The following ARHGEF4 variants were observed in gnomAD, a reference collection of about 807,000 sequenced individuals.
ARHGEF4 encodes the protein APC-stimulated guanine nucleotide exchange factor 1.
ARHGEF4 carries 119 observed loss-of-function variants against 162.0 expected under a neutral mutation model. The ratio of observed to expected loss-of-function variants is 0.73; its 90% CI spans 0.63 to 0.86. The LOEUF is 0.86. ARHGEF4 is among the 40% of genes least tolerant of loss of function. The pLI is 0.00. For synonymous variants in ARHGEF4, 1,014 were observed against 979.9 expected (o/e 1.03, Z -0.65); for missense variants, 2,488 against 2,456.0 (o/e 1.01, Z -0.28).
chr2:130,928,473 C>G (rs539735248), intron 2 of ARHGEF4, among the ~76,000 whole-genome samples: 1 of 152,180 alleles, frequency 6.6e-6, no homozygotes, highest in Non-Finnish European at 1.5e-5. Flanking sequence ...TTCAATTATT[C>G]AGGACCACAA....
At chr2:130,901,760 A>G (rs1212790267) in intron 1 of ARHGEF4, among the ~76,000 whole-genome samples, 1 of 152,100 alleles carries the variant, frequency 6.6e-6, no homozygotes, top group Non-Finnish European at 1.5e-5. Context: ...ACCTCAGGTG[A>G]TCTGCCTGCC....
chr2:131,008,706 T>C (rs2105327856), intron 4 of ARHGEF4, among the ~76,000 whole-genome samples: 1 of 152,294 alleles, frequency 6.6e-6, no homozygotes, highest in Non-Finnish European at 1.5e-5. Context: ...TTATAATGGT[T>C]GCTCTGAAGA....
At chr2:130,912,538 G>A (rs1463621972) in intron 1 of ARHGEF4, among the ~76,000 whole-genome samples, 3 of 152,182 alleles carry the variant, frequency 2.0e-5, no homozygotes, top group African/African-American at 7.2e-5. Flanking sequence ...AGAATTAAAA[G>A]CAATTTTACT....
At chr2:130,974,793 A>G (rs907173884) in intron 4 of ARHGEF4, among the ~76,000 whole-genome samples, 4 of 152,076 alleles carry the variant, frequency 2.6e-5, no homozygotes, top group Non-Finnish European at 5.9e-5. Context: ...TTGTTTTCTG[A>G]AATACTCAAG....
chr2:130,967,211 G>A (rs530158737), intron 4 of ARHGEF4, among the ~76,000 whole-genome samples: 1 of 152,340 alleles, frequency 6.6e-6, no homozygotes, highest in African/African-American at 2.4e-5. Flanking sequence ...AATGCTCTGT[G>A]TTGGCATTTC....
rs556331788 is a variant in ARHGEF4 at position 130,909,150 on chromosome 2, C to T, written c.40-4836C>T. ...CCCCTACCCTGTGTATCTGATACAG[C>T]GTCATCCCACTCCTCGGTATTTATC... is the stretch of plus-strand genomic sequence containing the variant. On this transcript the variant is annotated intron_variant, in intron 1 of 13. Transcript: ENST00000409359. Among the ~76,000 whole-genome samples the T allele has an allele frequency of 5.9e-5, 9 of 152,264 alleles. No homozygotes were observed. In the South Asian group the frequency reaches 8.3e-4, roughly 14 times the overall value.
At chr2:130,901,718 G>T (rs181664351) in intron 1 of ARHGEF4, among the ~76,000 whole-genome samples, 1 of 151,918 alleles carries the variant, frequency 6.6e-6, no homozygotes, top group Non-Finnish European at 1.5e-5. Context: ...ATGGGGTTTC[G>T]CCATGTTGGC....
intron 1 of ARHGEF4, among the ~76,000 whole-genome samples, chr2:130,845,653 T>C (rs891524): frequency 0.16 from 23,940 of 152,088 alleles, 2,520 homozygotes; most frequent in African/African-American, 0.29. Flanking sequence ...CCTCAGAGCA[T>C]AGTGGGTGTG....
At chr2:130,957,579 A>G (rs990792846) in intron 4 of ARHGEF4, among the ~76,000 whole-genome samples, 3 of 152,296 alleles carry the variant, frequency 2.0e-5, no homozygotes, top group African/African-American at 7.2e-5. Flanking sequence ...TAAAATTGTT[A>G]AATTGTACAC....
At chr2:130,984,653 C>T (rs902034544) in intron 4 of ARHGEF4, among the ~76,000 whole-genome samples, 3 of 149,540 alleles carry the variant, frequency 2.0e-5, no homozygotes, top group Admixed American at 6.7e-5. Flanking sequence ...TGTGCCACTG[C>T]ACTCCAGCCT....
At chr2:130,960,331 G>A (rs1434942655) in intron 4 of ARHGEF4, among the ~76,000 whole-genome samples, 1 of 152,004 alleles carries the variant, frequency 6.6e-6, no homozygotes, top group Admixed American at 6.6e-5. Flanking sequence ...TTTTTACTGT[G>A]CCTTTCCTAT....
intron 5 of ARHGEF4, among the ~76,000 whole-genome samples, chr2:131,032,152 G>A (rs923454393): frequency 6.6e-5 from 10 of 152,022 alleles, no homozygotes; most frequent in Non-Finnish European, 1.3e-4. Flanking sequence ...GCCTGGTGAG[G>A]ATGAGCACGA....
intron 4 of ARHGEF4, among the ~76,000 whole-genome samples, chr2:130,958,509 G>C (rs988646857): frequency 1.3e-5 from 2 of 150,942 alleles, no homozygotes; most frequent in Non-Finnish European, 2.9e-5. Flanking sequence ...CCCCCGATCC[G>C]AGCGATTCTC....
chr2:130,925,035 AGTGTGT>A (rs55986926), intron 2 of ARHGEF4, among the ~76,000 whole-genome samples: 50,902 of 137,568 alleles, frequency 0.37, 9,965 homozygotes, highest in East Asian at 0.68. Context: ...AGGAGTTCTA[AGTGTGT>A]GTGTGTGTGT....
intron 4 of ARHGEF4, among the ~76,000 whole-genome samples, chr2:131,014,744 A>G (rs1435210455): frequency 6.6e-6 from 1 of 152,160 alleles, no homozygotes; most frequent in Non-Finnish European, 1.5e-5. Context: ...GTGGGGATTG[A>G]AACAGATTTC....
At chr2:130,995,432 G>A (rs1687313296) in intron 4 of ARHGEF4, among the ~76,000 whole-genome samples, 1 of 152,150 alleles carries the variant, frequency 6.6e-6, no homozygotes, top group Non-Finnish European at 1.5e-5. Flanking sequence ...GAGCCCGCGA[G>A]TATATTAGTG....
Position 130,915,361 on chromosome 2 carries a change from A to T in ARHGEF4, c.1415A>T (p.Glu472Val). 6.4e-7 allele frequency: 1 copy of T among 1,550,712 alleles called. No individual in the cohort carries two copies. Among genetic ancestry groups the T allele is most frequent in the South Asian group, 1.2e-5 (1 of 84,060 alleles). The change falls in exon 2 of 14, where the codon GAA becomes GTA. Residue 472 changes from glutamate (E) to valine (V), a missense_variant. By Grantham distance (121) the Glu-to-Val change is moderately radical (BLOSUM62 -2). This residue lies in a region of ARHGEF4 where 1,642 missense variants were observed against 1,481.5 expected (regional missense o/e 1.11). Coordinates refer to ENST00000409359, the MANE Select transcript of ARHGEF4 (RefSeq NM_001367493.1). ...SEQSPESRTQ[E>V]PQGTQLAPRA... ...CAAAGCCCAGAAAGCAGAACCCAGG[A>T]ACCCCAAGGCACCCAACTCGCACCA...
chr2:131,026,955 G>C (rs1324773377), intron 4 of ARHGEF4, among the ~76,000 whole-genome samples: 1 of 152,212 alleles, frequency 6.6e-6, no homozygotes, highest in African/African-American at 2.4e-5. Flanking sequence ...ATGCCACATT[G>C]CGTAAGCAAT....
chr2:130,940,363 CA>C (rs2105131315), intron 3 of ARHGEF4, among the ~76,000 whole-genome samples: 1 of 152,000 alleles, frequency 6.6e-6, no homozygotes, highest in South Asian at 2.1e-4. Flanking sequence ...GAGGGGATAG[CA>C]ACATCACTGC....
Sources: allele counts gnomAD v4.1 joint callset (sites outside exome capture counted in the v4.1 genomes callset), GRCh38; gene constraint gnomAD v4.1.1; regional missense constraint gnomAD v4.1.1; transcripts MANE v1.5; gene names NCBI Gene and HGNC (gene_info 2026-07-23, HGNC 2026-07-21).